The following EBLN2 variants were observed in gnomAD, a reference collection of about 807,000 sequenced individuals.
EBLN2 encodes endogenous Bornavirus like nucleoprotein 2.
For missense variants in EBLN2, 397 were observed against 324.2 expected (o/e 1.22, Z -1.72); for synonymous variants, 131 against 113.6 (o/e 1.15, Z -0.97).
At position 73,063,127 on chromosome 3, in the gene EBLN2, A is replaced by G; in HGVS notation, c.*227A>G. The stretch of plus-strand genomic sequence containing the variant: ...ACCACGAATGTTCCCAAACTTAGCA[A>G]CAGCGGCAAACTACTGGGCCAAGAT... On this transcript the variant is annotated 3_prime_UTR_variant, in exon 1 of 1. Coordinates refer to ENST00000533473, the MANE Select transcript of EBLN2 (RefSeq NM_018029.4). 1 of 519,442 alleles carries G rather than the reference A, an allele frequency of 1.9e-6. No homozygotes were observed. The highest frequency in any genetic ancestry group is 2.5e-5 in the South Asian group (1 of 39,570). The allele number at this position is 519,442 out of a possible 1,614,324, so 32.2% of individuals were successfully genotyped here.
chr3:73,062,029 G>A lies in EBLN2; in HGVS notation c.-53G>A. ...TGTTTTGTTTTGCTCATGAACGTGA[G>A]GTATTTTGGAAAAATGGTAAAGAAG... On this transcript the variant is annotated 5_prime_UTR_variant, in exon 1 of 1. Transcript: ENST00000533473. 6 of 1,301,746 alleles carry A rather than the reference G, an allele frequency of 4.6e-6. No homozygotes were observed. Among genetic ancestry groups the A allele is most frequent in the Admixed American group, 5.8e-5 (2 of 34,656 alleles). 80.6% of individuals were successfully genotyped at this position (1,301,746 alleles called of 1,614,324 possible). A position where few individuals can be genotyped will look rare whatever the true frequency, so the allele number is the denominator to read the frequency against.
chr3:73,062,399 A>C lies in EBLN2; in HGVS notation c.318A>C (p.Ala106=), dbSNP rs577880174. 1.2e-6 allele frequency: 2 copies of C among 1,607,638 alleles called. No homozygotes were observed. Among genetic ancestry groups the C allele is most frequent in the Admixed American group, 3.5e-5 (2 of 57,532 alleles). Residue 106 remains alanine (A), a synonymous_variant, in exon 1 of 1, where the codon GCA becomes GCC. Transcript: ENST00000533473. ...SIGDIKDIKK[A]AKSMLDPAHK... is the part of the protein sequence containing the mutation. The stretch of plus-strand genomic sequence containing the variant: ...GGGATATTAAGGACATTAAAAAAGC[A>C]GCCAAGTCTATGCTAGACCCAGCAC...
In EBLN2 at chr3:73,061,893, A is replaced by G; in HGVS notation, c.-189A>G. The G allele has an allele frequency of 1.8e-6, 1 of 542,344 alleles. No individual in the cohort carries two copies. The highest frequency in any genetic ancestry group is 3.5e-5 in the East Asian group (1 of 28,876). The allele number at this position is 542,344 out of a possible 1,614,324, so 33.6% of individuals were successfully genotyped here. A position where few individuals can be genotyped will look rare whatever the true frequency, so the allele number is the denominator to read the frequency against. Reference sequence around the variant, plus strand: ...AATTTGTTTTTAGAATGTTCCCAAGAATATAGTTATGTTGCTAAATAAGAT... The same window carrying G: ...AATTTGTTTTTAGAATGTTCCCAAGGATATAGTTATGTTGCTAAATAAGAT... On this transcript the variant is annotated 5_prime_UTR_variant, in exon 1 of 1. Coordinates refer to ENST00000533473, the MANE Select transcript of EBLN2 (RefSeq NM_018029.4).
chr3:73,062,156 C>T lies in EBLN2; in HGVS notation c.75C>T (p.Tyr25=), dbSNP rs771820903. The change falls in exon 1 of 1, where the codon TAC becomes TAT. Residue 25 remains tyrosine (Y), a synonymous_variant. Coordinates refer to ENST00000533473, the MANE Select transcript of EBLN2 (RefSeq NM_018029.4). ...TTGTTTGGGTCTGTGACAGATCTTA[C>T]AAAAGATCTTTTAGACCTATGATTC... is the stretch of plus-strand genomic sequence containing the variant. ...SLFVWVCDRS[Y]KRSFRPMILN... is the part of the protein sequence containing the mutation. The T allele has an allele frequency of 6.5e-7, 1 of 1,548,056 alleles. No homozygotes were observed. The highest frequency in any genetic ancestry group is 8.7e-7 in the Non-Finnish European group (1 of 1,148,988).
Position 73,062,938 on chromosome 3 carries a change from T to C in EBLN2, c.*38T>C. ...CACAGATGACAACCTATTAATGCTGTGAGAATGTTTCTAGATCAGTGCATG... is the reference window on the plus strand; with the variant it reads ...CACAGATGACAACCTATTAATGCTGCGAGAATGTTTCTAGATCAGTGCATG... On this transcript the variant is annotated 3_prime_UTR_variant, in exon 1 of 1. Coordinates refer to ENST00000533473, the MANE Select transcript of EBLN2 (RefSeq NM_018029.4). 1 of 1,564,364 alleles carries C rather than the reference T, an allele frequency of 6.4e-7. No homozygotes were observed. The highest frequency in any genetic ancestry group is 1.7e-4 in the Middle Eastern group (1 of 5,928).
At position 73,062,630 on chromosome 3, in the gene EBLN2, C is replaced by G. The variant is rs777443412; in HGVS notation, c.549C>G (p.Leu183=). The part of the protein sequence containing the change: ...NFIALEKSSV[L]RHCCDLLIGI... Reference sequence around the variant, plus strand: ...TTGCCCTTGAGAAGTCATCAGTTCTCCGCCACTGCTGTGACCTTTTGATAG... The same window carrying G: ...TTGCCCTTGAGAAGTCATCAGTTCTGCGCCACTGCTGTGACCTTTTGATAG... Residue 183 remains leucine, a synonymous_variant, in exon 1 of 1, where the codon CTC becomes CTG. Coordinates refer to ENST00000533473, the MANE Select transcript of EBLN2 (RefSeq NM_018029.4). 1 of 1,613,988 alleles carries G rather than the reference C, an allele frequency of 6.2e-7. No homozygotes were observed. Among genetic ancestry groups the G allele is most frequent in the Non-Finnish European group, 8.5e-7 (1 of 1,179,894 alleles).
Position 73,063,302 on chromosome 3 carries a change from A to G in EBLN2, c.*402A>G, listed in dbSNP as rs1447230197. ...ATAGATCCATGCACTCCTAACATGA[A>G]CTAATTCTCATTATTTAAAAAAAAA... On this transcript the variant is annotated 3_prime_UTR_variant, in exon 1 of 1. Coordinates refer to ENST00000533473, the MANE Select transcript of EBLN2 (RefSeq NM_018029.4). 1 of 213,876 alleles carries G rather than the reference A, an allele frequency of 4.7e-6. No individual in the cohort carries two copies. Among genetic ancestry groups the G allele is most frequent in the Non-Finnish European group, 9.6e-6 (1 of 103,730 alleles). 13.2% of individuals were successfully genotyped at this position (213,876 alleles called of 1,614,324 possible).
chr3:73,062,162 A>G lies in EBLN2; in HGVS notation c.81A>G (p.Arg27=). The G allele has an allele frequency of 6.4e-7, 1 of 1,550,602 alleles. No individual in the cohort carries two copies. The highest frequency in any genetic ancestry group is 8.7e-7 in the Non-Finnish European group (1 of 1,150,326). The change falls in exon 1 of 1, where the codon AGA becomes AGG. Residue 27 remains arginine (R), a synonymous_variant. Coordinates refer to ENST00000533473, the MANE Select transcript of EBLN2 (RefSeq NM_018029.4). ...GGGTCTGTGACAGATCTTACAAAAG[A>G]TCTTTTAGACCTATGATTCTTAACA... is the stretch of plus-strand genomic sequence containing the variant. ...FVWVCDRSYK[R]SFRPMILNKI...
chr3:73,062,640 TG>T, the EBLN2 span: 1 of 1,614,038 alleles, frequency 6.2e-7, no homozygotes, highest in African/African-American at 1.3e-5. Context: ...CCGCCACTGC[TG>T]TGACCTTTTG....
In EBLN2 at chr3:73,061,734, T is replaced by G. The variant is rs1575890114; in HGVS notation, c.-348T>G. ...TTAATCTGGCTCTGCTTTCATAGACTACTCTGTTACCCAGGCTGGAGTGCG... is the reference window on the plus strand; with the variant it reads ...TTAATCTGGCTCTGCTTTCATAGACGACTCTGTTACCCAGGCTGGAGTGCG... On this transcript the variant is annotated 5_prime_UTR_variant, in exon 1 of 1. Transcript: ENST00000533473. The G allele has an allele frequency of 4.5e-6, 1 of 222,438 alleles. No homozygotes were observed. Among genetic ancestry groups the G allele is most frequent in the Non-Finnish European group, 8.8e-6 (1 of 113,858 alleles). The allele number at this position is 222,438 out of a possible 1,614,324, so 13.8% of individuals were successfully genotyped here. A position where few individuals can be genotyped will look rare whatever the true frequency, so the allele number is the denominator to read the frequency against.
At position 73,063,054 on chromosome 3, in the gene EBLN2, T is replaced by G. The variant is rs1702904273; in HGVS notation, c.*154T>G. ...TGGTTAAAAAGGCATTGGGGAAATA[T>G]TTTGAGTTTGGGGGTGTACTTTGCC... On this transcript the variant is annotated 3_prime_UTR_variant, in exon 1 of 1. Transcript: ENST00000533473. 6.5e-6 allele frequency: 5 copies of G among 763,642 alleles called. No individual in the cohort carries two copies. The highest frequency in any genetic ancestry group is 3.9e-5 in the South Asian group (2 of 50,756). 47.3% of individuals were successfully genotyped at this position (763,642 alleles called of 1,614,324 possible).
rs1050038717 is a variant in EBLN2 at position 73,061,797 on chromosome 3, T to C, written c.-285T>C. On this transcript the variant is annotated 5_prime_UTR_variant, in exon 1 of 1. Transcript: ENST00000533473. ...CATAGCTCACTGCAGCCTTAAACTC[T>C]AGTGATCCTCCCGCCTTGGCCTTCC... The C allele has an allele frequency of 5.6e-5, 19 of 339,520 alleles. No homozygotes were observed. The highest frequency in any genetic ancestry group is 8.8e-5 in the East Asian group (1 of 11,300). 21.0% of individuals were successfully genotyped at this position (339,520 alleles called of 1,614,324 possible).
the EBLN2 span, chr3:73,062,405 G>GT: frequency 1.9e-6 from 3 of 1,608,324 alleles, no homozygotes; most frequent in Non-Finnish European, 2.5e-6. Context: ...AAGCAGCCAA[G>GT]TCTATGCTAG....
Position 73,062,510 on chromosome 3 carries a change from T to C in EBLN2, c.429T>C (p.Val143=). The C allele has an allele frequency of 6.2e-7, 1 of 1,613,820 alleles. No homozygotes were observed. Among genetic ancestry groups the C allele is most frequent in the Non-Finnish European group, 8.5e-7 (1 of 1,179,798 alleles). The stretch of plus-strand genomic sequence containing the variant: ...GGTTACACCAGGCATTACTGAGTGT[T>C]GGTGTGAGCAAGAGGTCTAATACTG... The part of the protein sequence containing the change: ...FDGLHQALLS[V]GVSKRSNTVV... The change falls in exon 1 of 1, where the codon GTT becomes GTC. Residue 143 remains valine, a synonymous_variant. Transcript: ENST00000533473.
rs1043640154 is a variant in EBLN2, at chr3:73,062,190, A to G, written c.109A>G (p.Ile37Val). ...RSFRPMILNK[I>V]KELSRNQFST... The stretch of plus-strand genomic sequence containing the variant: ...TTTTAGACCTATGATTCTTAACAAA[A>G]TTAAAGAATTAAGTCGGAACCAATT... The change falls in exon 1 of 1, where the codon ATT becomes GTT. Residue 37 changes from isoleucine (I) to valine (V), a missense_variant. Transcript: ENST00000533473. 16 of 1,567,326 alleles carry G rather than the reference A, an allele frequency of 1.0e-5. No individual in the cohort carries two copies. The East Asian group carries it at 1.1e-4, about 11-fold the overall frequency.
chr3:73,063,171 G>A lies in EBLN2; in HGVS notation c.*271G>A, dbSNP rs1392032305. The A allele has an allele frequency of 1.1e-5, 5 of 452,354 alleles. No individual in the cohort carries two copies. The highest frequency in any genetic ancestry group is 2.0e-5 in the Non-Finnish European group (5 of 244,968). 28.0% of individuals were successfully genotyped at this position (452,354 alleles called of 1,614,324 possible). ...CCAAGATGAGCAACCCCACATTTTT[G>A]GGATTTAAAGCTCCTGATGTTATAC... On this transcript the variant is annotated 3_prime_UTR_variant, in exon 1 of 1. Coordinates refer to ENST00000533473, the MANE Select transcript of EBLN2 (RefSeq NM_018029.4).
In EBLN2 at chr3:73,062,691, A is replaced by G. The variant is rs1702891759; in HGVS notation, c.610A>G (p.Ser204Gly). Residue 204 changes from serine (S) to glycine (G), a missense_variant, in exon 1 of 1, where the codon AGC (serine) becomes GGC (glycine). Physicochemically the swap from Ser to Gly is moderately conservative, Grantham distance 56 (BLOSUM62 0). Transcript: ENST00000533473. ...TGGATCAAGTGATAAGATTTGCACC[A>G]GCAGTCTCCAAGTTCAGAGACGATT... ...AAGSSDKICTSSLQVQRRFKA... is the reference protein window; with the variant it reads ...AAGSSDKICTGSLQVQRRFKA... The G allele has an allele frequency of 6.2e-7, 1 of 1,614,030 alleles. No homozygotes were observed. Among genetic ancestry groups the G allele is most frequent in the Non-Finnish European group, 8.5e-7 (1 of 1,179,900 alleles).
In EBLN2 at chr3:73,062,749, C is replaced by T. The variant is rs186870577; in HGVS notation, c.668C>T (p.Ser223Leu). The change falls in exon 1 of 1, where the codon TCA becomes TTA. Residue 223 changes from serine (S) to leucine (L), a missense_variant. By Grantham distance (145) the Ser-to-Leu change is moderately radical (BLOSUM62 -2). Transcript: ENST00000533473. ...ATGATGGCATCTATTGGAAGACTTT[C>T]ACATGGTGAGAGTGCTGATCTGCTA... The part of the protein sequence containing the change: ...KAMMASIGRL[S>L]HGESADLLIS... 4 of 1,613,880 alleles carry T rather than the reference C, an allele frequency of 2.5e-6. No homozygotes were observed. The highest frequency in any genetic ancestry group is 3.4e-6 in the Non-Finnish European group (4 of 1,179,894).
In EBLN2 at chr3:73,062,203, G is replaced by A. The variant is rs1382887342; in HGVS notation, c.122G>A (p.Ser41Asn). Residue 41 changes from serine (S) to asparagine (N), a missense_variant, in exon 1 of 1, where the codon AGT becomes AAT. Transcript: ENST00000533473. ...PMILNKIKELSRNQFSTMSHL... is the reference protein window; with the variant it reads ...PMILNKIKELNRNQFSTMSHL... ...ATTCTTAACAAAATTAAAGAATTAAGTCGGAACCAATTTTCCACAATGTCT... is the reference window on the plus strand; with the variant it reads ...ATTCTTAACAAAATTAAAGAATTAAATCGGAACCAATTTTCCACAATGTCT... The A allele has an allele frequency of 2.5e-6, 4 of 1,581,568 alleles. No homozygotes were observed. The highest frequency in any genetic ancestry group is 3.4e-6 in the Non-Finnish European group (4 of 1,167,562).
Sources: allele counts gnomAD v4.1 joint callset, GRCh38; gene constraint gnomAD v4.1.1; transcripts MANE v1.5; gene names NCBI Gene and HGNC (gene_info 2026-07-23, HGNC 2026-07-21).